Variants in NREP observed in about 807,000 individuals in gnomAD.
NREP encodes neuronal regeneration-related protein.
In NREP, 5 loss-of-function variants were observed where a neutral mutation model predicts 8.6. That is an observed-to-expected ratio of 0.58 (90% CI 0.30 to 1.22). The LOEUF (loss-of-function observed/expected upper bound fraction) is 1.22. NREP is among the 50% of genes most tolerant of loss of function. NREP has a pLI of 0.07. For missense variants in NREP, 86 were observed against 82.5 expected, an observed-to-expected ratio of 1.04 and a Z score of -0.17; for synonymous variants, 27 against 28.0, an observed-to-expected ratio of 0.96 and a Z score of 0.11.
At chr5:111,813,369 T>C (rs374724214) in intron 2 of NREP, among the ~76,000 whole-genome samples, 23 of 152,292 alleles carry the variant, frequency 1.5e-4, no homozygotes, top group African/African-American at 5.3e-4. Context: ...AAATGAGCTA[T>C]CTTCATGCTT....
chr5:111,973,261 CT>C (rs1393699655), intron 2 of NREP, among the ~76,000 whole-genome samples: 3 of 19,442 alleles, frequency 1.5e-4, no homozygotes, highest in East Asian at 1.1e-3. Context: ...TTGCTACCCC[CT>C]TTTAAAAAAA....
intron 2 of NREP, among the ~76,000 whole-genome samples, chr5:111,822,490 C>A (rs559411120): frequency 6.6e-6 from 1 of 152,332 alleles, no homozygotes; most frequent in African/African-American, 2.4e-5. Flanking sequence ...GAAAGGCTTA[C>A]ATGCTAGGAG....
chr5:111,925,190 C>T (rs1265674866), intron 2 of NREP, among the ~76,000 whole-genome samples: 5 of 152,052 alleles, frequency 3.3e-5, no homozygotes, highest in Non-Finnish European at 7.4e-5. Flanking sequence ...GCAGTTTGGG[C>T]CACTAGAGTT....
At chr5:111,954,108 CTATCTA>C (rs1380541280) in intron 2 of NREP, among the ~76,000 whole-genome samples, 2 of 152,112 alleles carry the variant, frequency 1.3e-5, no homozygotes, top group Admixed American at 1.3e-4. Context: ...CTCTCATGAT[CTATCTA>C]TATCTATATC....
chr5:111,813,827 A>C (rs1285612050), intron 2 of NREP, among the ~76,000 whole-genome samples: 1 of 152,068 alleles, frequency 6.6e-6, no homozygotes, highest in Non-Finnish European at 1.5e-5. Context: ...GGAAACAAAG[A>C]ACTAATATAC....
intron 2 of NREP, among the ~76,000 whole-genome samples, chr5:111,942,660 G>C (rs1245674785): frequency 6.6e-6 from 1 of 151,876 alleles, no homozygotes. Flanking sequence ...AACAGCATCA[G>C]ATAATGATAC....
chr5:111,866,588 A>T (rs954785401), intron 2 of NREP, among the ~76,000 whole-genome samples: 2 of 152,250 alleles, frequency 1.3e-5, no homozygotes, highest in Admixed American at 1.3e-4. Context: ...TCGGTGTGGC[A>T]ATTCCTCAGG....
At chr5:111,834,521 A>T (rs996109109) in intron 2 of NREP, among the ~76,000 whole-genome samples, 1 of 152,260 alleles carries the variant, frequency 6.6e-6, no homozygotes, top group African/African-American at 2.4e-5. Context: ...TTGGAAACAT[A>T]TCCAAACAAA....
At chr5:111,873,372 A>C (rs1009552347) in intron 2 of NREP, among the ~76,000 whole-genome samples, 2 of 152,176 alleles carry the variant, frequency 1.3e-5, no homozygotes, top group Non-Finnish European at 2.9e-5. Flanking sequence ...CAGAAGTCCA[A>C]TGTGGGTCTC....
intron 2 of NREP, among the ~76,000 whole-genome samples, chr5:111,737,714 C>CT (rs1749255479): frequency 8.7e-6 from 1 of 114,690 alleles, no homozygotes; most frequent in African/African-American, 5.0e-5. Context: ...TCTCCATTTG[C>CT]TAAAAAAAAA....
chr5:111,787,188 G>A (rs1751632200), intron 2 of NREP, among the ~76,000 whole-genome samples: 2 of 152,048 alleles, frequency 1.3e-5, no homozygotes. Context: ...TCTGCTCAAG[G>A]TCCCCACAAC....
At chr5:111,832,989 T>C (rs1245236943) in intron 2 of NREP, among the ~76,000 whole-genome samples, 5 of 152,214 alleles carry the variant, frequency 3.3e-5, no homozygotes, top group African/African-American at 1.2e-4. Context: ...CCCTGACTAA[T>C]GTAGCTCCCG....
At chr5:111,888,348 G>GGT (rs1363464969) in intron 2 of NREP, among the ~76,000 whole-genome samples, 2 of 151,732 alleles carry the variant, frequency 1.3e-5, no homozygotes, top group Admixed American at 6.6e-5. Flanking sequence ...GTGGCGGGGG[G>GGT]GGTCTCAGGA....
chr5:111,936,028 G>A (rs1479371303), intron 2 of NREP, among the ~76,000 whole-genome samples: 1 of 152,076 alleles, frequency 6.6e-6, no homozygotes. Flanking sequence ...GGTGCCCCAT[G>A]GCTTGTAGAT....
intron 2 of NREP, among the ~76,000 whole-genome samples, chr5:111,960,789 T>C (rs1021887975): frequency 6.6e-6 from 1 of 152,194 alleles, no homozygotes; most frequent in Non-Finnish European, 1.5e-5. Context: ...CGTCTATATA[T>C]TGTCTAAAAG....
intron 2 of NREP, among the ~76,000 whole-genome samples, chr5:111,910,103 AATGTT>A (rs1401514668): frequency 6.6e-6 from 1 of 152,074 alleles, no homozygotes; most frequent in Non-Finnish European, 1.5e-5. Flanking sequence ...TGTAGACTAA[AATGTT>A]ATATTTTCCA....
At chr5:111,871,275 T>A (rs1360001976) in intron 2 of NREP, among the ~76,000 whole-genome samples, 1 of 152,112 alleles carries the variant, frequency 6.6e-6, no homozygotes, top group Middle Eastern at 3.2e-3. Context: ...CTGAATTCTG[T>A]AGGCAATCAT....
At chr5:111,837,865 C>T (rs756853946) in intron 2 of NREP, among the ~76,000 whole-genome samples, 3 of 151,988 alleles carry the variant, frequency 2.0e-5, no homozygotes, top group Non-Finnish European at 4.4e-5. Context: ...ATCAGAGGGT[C>T]GTCACCTCAT....
intron 2 of NREP, among the ~76,000 whole-genome samples, chr5:111,779,848 C>T (rs1471645634): frequency 6.6e-6 from 1 of 152,166 alleles, no homozygotes; most frequent in African/African-American, 2.4e-5. Flanking sequence ...CATAGCTTAC[C>T]TATTAAATGG....
Sources: gnomAD v4.1 joint callset for allele counts (sites outside exome capture counted in the v4.1 genomes callset) on GRCh38, gnomAD v4.1.1 for gene constraint, MANE v1.5 for transcripts, NCBI Gene and HGNC (gene_info 2026-07-23, HGNC 2026-07-21) for gene names.